Variants in RXYLT1 observed in about 807,000 individuals in gnomAD.
The protein encoded by RXYLT1 is ribitol xylosyltransferase 1.
RXYLT1 carries 41 observed loss-of-function variants against 43.5 expected under a neutral mutation model. The observed-to-expected ratio is 0.94, with a 90% CI of 0.73 to 1.22. RXYLT1 has a LOEUF of 1.22. Ranked by LOEUF, RXYLT1 falls within the 50% of genes most tolerant of loss-of-function variation. RXYLT1 has a pLI of 0.00. For synonymous variants in RXYLT1, 166 were observed against 194.4 expected (o/e 0.85, Z 1.21); for missense variants, 514 against 532.0 (o/e 0.97, Z 0.33).
chr12:63,804,526 A>G (rs1898239912), intron 4 of RXYLT1: 1 of 152,148 alleles, frequency 6.6e-6, no homozygotes, highest in Non-Finnish European at 1.5e-5. Flanking sequence ...CAAAATATAT[A>G]ATCTTTCCTT....
rs1231376515 is a variant in RXYLT1 at position 63,780,205 on chromosome 12, C to T, written c.169+76C>T. The T allele has an allele frequency of 5.0e-6, 7 of 1,392,394 alleles. No individual in the cohort carries two copies. In the East Asian group the frequency reaches 8.7e-5, roughly 17 times the overall value. 86.3% of individuals were successfully genotyped at this position (1,392,394 alleles called of 1,614,324 possible). A position where few individuals can be genotyped will look rare whatever the true frequency, so the allele number is the denominator to read the frequency against. ...TGCTGGGCGGCTGGGGCCGGGTCCC[C>T]GCACCCGGCTCTCAAGTCCGGGATT... is the stretch of plus-strand genomic sequence containing the variant. On this transcript the variant is annotated intron_variant, in intron 1 of 5. Transcript: ENST00000261234.
At chr12:63,780,524 G>C (rs1897656263) in intron 1 of RXYLT1, 1 of 1,038,490 alleles carries the variant, frequency 9.6e-7, no homozygotes, top group African/African-American at 1.7e-5. Context: ...TGACCATAAG[G>C]CAGACTTTAC....
intron 3 of RXYLT1, among the ~76,000 whole-genome samples, chr12:63,786,762 C>G (rs1055123194): frequency 6.6e-6 from 1 of 152,296 alleles, no homozygotes; most frequent in African/African-American, 2.4e-5. Flanking sequence ...AAAGTTTTCT[C>G]TGTAGCACAT....
chr12:63,799,498 G>C (rs891363380), intron 3 of RXYLT1, among the ~76,000 whole-genome samples: 9 of 151,530 alleles, frequency 5.9e-5, no homozygotes. Context: ...ACCATATTGT[G>C]TAGGCTGGTC....
chr12:63,796,801 A>G (rs1377910090), intron 3 of RXYLT1, among the ~76,000 whole-genome samples: 1 of 152,108 alleles, frequency 6.6e-6, no homozygotes, highest in Non-Finnish European at 1.5e-5. Context: ...TTAAAAATAA[A>G]GAAAGTGCAA....
chr12:63,809,243 G>T lies in RXYLT1; in HGVS notation c.*151G>T. 1.7e-6 allele frequency: 1 copy of T among 604,316 alleles called. No individual in the cohort carries two copies. Among genetic ancestry groups the T allele is most frequent in the Non-Finnish European group, 2.8e-6 (1 of 362,258 alleles). 37.4% of individuals were successfully genotyped at this position (604,316 alleles called of 1,614,324 possible). A position where few individuals can be genotyped will look rare whatever the true frequency, so the allele number is the denominator to read the frequency against. The stretch of plus-strand genomic sequence containing the variant: ...GCCACATAATGACATTTCAGTCAGT[G>T]GTAGACTACATATATGATAGTGGTC... On this transcript the variant is annotated 3_prime_UTR_variant, in exon 6 of 6. Transcript: ENST00000261234.
rs1204366893 is a variant in RXYLT1 at position 63,801,275 on chromosome 12, T to A, written c.429-816T>A. On this transcript the variant is annotated intron_variant, in intron 3 of 5. Transcript: ENST00000261234. ...TTTTTTTAACATTATATTTTTGAGA[T>A]ATAACATTCATGGAATGTTTATAAT... 2.6e-5 allele frequency among the ~76,000 whole-genome samples: 4 copies of A among 152,324 alleles called. No individual in the cohort carries two copies. In the East Asian group the frequency reaches 7.7e-4, roughly 29 times the overall value.
rs376418895 is a variant in RXYLT1, at chr12:63,802,260, T to C, written c.598T>C (p.Leu200=). Residue 200 remains leucine, a synonymous_variant, in exon 4 of 6, where the codon TTG becomes CTG. Transcript: ENST00000261234. ...IQKLQHLAVV[L]LGNEHCDNEW... ...AAAACTCCAGCATCTTGCTGTTGTT[T>C]TGCTCGGAAATGAACATTGTGATAA... 2.5e-6 allele frequency: 4 copies of C among 1,614,032 alleles called. No individual in the cohort carries two copies. In the African/African-American group the frequency reaches 5.3e-5, roughly 22 times the overall value.
chr12:63,781,179 G>C lies in RXYLT1; in HGVS notation c.325+5G>C. 6.6e-7 allele frequency: 1 copy of C among 1,517,914 alleles called. No individual in the cohort carries two copies. The highest frequency in any genetic ancestry group is 8.8e-7 in the Non-Finnish European group (1 of 1,134,770). 94.0% of individuals were successfully genotyped at this position (1,517,914 alleles called of 1,614,324 possible). On this transcript the variant is annotated splice_donor_5th_base_variant and intron_variant, in intron 2 of 5. Transcript: ENST00000261234. ...TCTGGGGCAAAGCTGCCATTGGTAAGTTAATACGTAGAAGGAAGACATGTA... is the reference window on the plus strand; with the variant it reads ...TCTGGGGCAAAGCTGCCATTGGTAACTTAATACGTAGAAGGAAGACATGTA...
At chr12:63,781,744 C>T (rs1381788740) in intron 2 of RXYLT1, among the ~76,000 whole-genome samples, 1 of 152,032 alleles carries the variant, frequency 6.6e-6, no homozygotes, top group East Asian at 1.9e-4. Context: ...ATATTATGCT[C>T]AATTAGAGAA....
At chr12:63,806,555 C>T (rs963904618) in intron 5 of RXYLT1, 3 of 152,200 alleles carry the variant, frequency 2.0e-5, no homozygotes, top group Non-Finnish European at 4.4e-5. Flanking sequence ...TACTATGTTA[C>T]AGGAACAACA....
intron 3 of RXYLT1, among the ~76,000 whole-genome samples, chr12:63,795,271 C>T (rs1898004155): frequency 6.7e-6 from 1 of 150,100 alleles, no homozygotes; most frequent in Admixed American, 6.7e-5. Context: ...ACAGTGAGAC[C>T]CTGTGTCAAA....
chr12:63,786,955 G>A (rs1289156393), intron 3 of RXYLT1, among the ~76,000 whole-genome samples: 1 of 151,998 alleles, frequency 6.6e-6, no homozygotes, highest in Non-Finnish European at 1.5e-5. Flanking sequence ...CTCTACTAAA[G>A]ATACAAAAAT....
chr12:63,805,153 T>C (rs1236575225), intron 4 of RXYLT1, 81 bp from the exon 5 acceptor site: 13 of 1,085,482 alleles, frequency 1.2e-5, no homozygotes, highest in South Asian at 1.9e-5. Flanking sequence ...TGTATACTTC[T>C]TGCTACCTAA....
At chr12:63,782,692 G>A in intron 2 of RXYLT1, 1 of 450,158 alleles carries the variant, frequency 2.2e-6, no homozygotes. Context: ...TGCTGAGATG[G>A]CTGAGGAGAC....
At position 63,808,672 on chromosome 12, in the gene RXYLT1, T is replaced by C; in HGVS notation, c.915-3T>C. Reference sequence around the variant, plus strand: ...AACTACAGTTGTTTTTCTGATTTTCTAGCTGGCAGCCTCAGGAAACAAATG... The same window carrying C: ...AACTACAGTTGTTTTTCTGATTTTCCAGCTGGCAGCCTCAGGAAACAAATG... On this transcript the variant is annotated splice_region_variant and splice_polypyrimidine_tract_variant and intron_variant, in intron 5 of 5. Coordinates refer to ENST00000261234, the MANE Select transcript of RXYLT1 (RefSeq NM_014254.3). The C allele has an allele frequency of 6.3e-7, 1 of 1,593,622 alleles. No homozygotes were observed.
intron 1 of RXYLT1, 146 bp downstream of exon 1, chr12:63,780,275 GCCAGC>G (rs1897648447): frequency 7.3e-7 from 1 of 1,361,538 alleles, no homozygotes; most frequent in Admixed American, 3.8e-5. Flanking sequence ...AGCCTCTCGA[GCCAGC>G]CCTTGGCTCG....
chr12:63,805,471 C>A, intron 5 of RXYLT1, 67 bp downstream of exon 5: 1 of 1,450,008 alleles, frequency 6.9e-7, no homozygotes. Flanking sequence ...TATGTAGAAA[C>A]ACAGGTTTCC....
intron 2 of RXYLT1, among the ~76,000 whole-genome samples, chr12:63,782,108 G>C (rs1897698278): frequency 1.3e-5 from 2 of 151,548 alleles, no homozygotes; most frequent in South Asian, 4.2e-4. Context: ...TTTTCAATCT[G>C]ATAAGTGCAA....
Sources: gnomAD v4.1 joint callset for allele counts (sites outside exome capture counted in the v4.1 genomes callset) on GRCh38, gnomAD v4.1.1 for gene constraint, MANE v1.5 for transcripts, NCBI Gene and HGNC (gene_info 2026-07-23, HGNC 2026-07-21) for gene names.